Variants in DDX21 observed in about 807,000 individuals in gnomAD.
DDX21 encodes nucleolar RNA helicase 2.
DDX21 carries 18 observed loss-of-function variants against 90.0 expected under a neutral mutation model. That is an observed-to-expected ratio of 0.20 (90% CI 0.14 to 0.30). The LOEUF (loss-of-function observed/expected upper bound fraction) is 0.30, where lower values mean the gene tolerates loss of function less well. Among genes scored for constraint, DDX21 ranks in the 10% least tolerant of loss-of-function variants. The probability of loss-of-function intolerance (pLI) is 1.00; values close to 1 mark genes in which losing one functional copy is unlikely to be tolerated. For synonymous variants in DDX21, 294 were observed against 318.0 expected, an observed-to-expected ratio of 0.92 and a Z score of 0.80; for missense variants, 673 against 944.5, an observed-to-expected ratio of 0.71 and a Z score of 3.77.
intron 8 of DDX21, among the ~76,000 whole-genome samples, chr10:68,970,960 T>TA (rs1226110924): frequency 1.7e-5 from 2 of 115,240 alleles, no homozygotes; most frequent in Admixed American, 8.1e-5. Context: ...GCCTAATTTT[T>TA]TTTTTTTTTT....
rs1427416493 is a variant in DDX21, at chr10:68,982,732, C to T, written c.2272C>T (p.Arg758Ter). ...AGGCAGTAGAGGCCCGAGAGGACAG[C>T]GATCAGGAGGTGGCAACAAAAGTAA... ...REGSRGPRGQ[R>*]SGGGNKSNRS... Residue 758 changes from arginine (R) to a stop codon, truncating the protein, a stop_gained, in exon 15 of 15, where the codon CGA becomes TGA. Transcript: ENST00000354185. LOFTEE classifies it high-confidence loss of function. 3.7e-6 allele frequency: 6 copies of T among 1,613,696 alleles called. No homozygotes were observed. Among genetic ancestry groups the T allele is most frequent in the Non-Finnish European group, 4.2e-6 (5 of 1,179,988 alleles).
At chr10:68,961,986 G>A (rs1213008392) in intron 2 of DDX21, 96 bp from the exon 3 acceptor site, 3 of 969,762 alleles carry the variant, frequency 3.1e-6, no homozygotes, top group Non-Finnish European at 4.7e-6. Flanking sequence ...TAGAAGAATT[G>A]CTTTAGGATA....
At chr10:68,971,826 G>A in intron 8 of DDX21, 65 bp from the exon 9 acceptor site, 1 of 1,533,588 alleles carries the variant, frequency 6.5e-7, no homozygotes, top group East Asian at 2.3e-5. Context: ...AGGCCTAACT[G>A]ATGAAGAGAA....
At position 68,956,734 on chromosome 10, in the gene DDX21, A is replaced by G. The variant is rs566999361; in HGVS notation, c.87+422A>G. ...GGCATGAGCGTGCGCGAAGGAAGTT[A>G]CACGTCAAGTCAAAGTGGGTACTGG... On this transcript the variant is annotated intron_variant, in intron 1 of 14. Coordinates refer to ENST00000354185, the MANE Select transcript of DDX21 (RefSeq NM_004728.4). 22 of 1,025,812 alleles carry G rather than the reference A, an allele frequency of 2.1e-5. No homozygotes were observed. In the South Asian group the frequency reaches 6.6e-4, roughly 31 times the overall value. 63.5% of individuals were successfully genotyped at this position (1,025,812 alleles called of 1,614,324 possible). A position where few individuals can be genotyped will look rare whatever the true frequency, so the allele number is the denominator to read the frequency against.
In DDX21 at chr10:68,983,623, T is replaced by C. The variant is rs149878412; in HGVS notation, c.*811T>C. Reference sequence around the variant, plus strand: ...TGGTAATGTACTCCACTTCTTCCTATTGGAAGATTAACATTATTTACCAAG... The same window carrying C: ...TGGTAATGTACTCCACTTCTTCCTACTGGAAGATTAACATTATTTACCAAG... On this transcript the variant is annotated 3_prime_UTR_variant, in exon 15 of 15. Coordinates refer to ENST00000354185, the MANE Select transcript of DDX21 (RefSeq NM_004728.4). 2 of 150,556 alleles carry C rather than the reference T, an allele frequency of 1.3e-5. No individual in the cohort carries two copies. Among genetic ancestry groups the C allele is most frequent in the Admixed American group, 6.6e-5 (1 of 15,040 alleles). The allele number at this position is 150,556 out of a possible 1,614,324, so 9.3% of individuals were successfully genotyped here. A position where few individuals can be genotyped will look rare whatever the true frequency, so the allele number is the denominator to read the frequency against.
intron 1 of DDX21, among the ~76,000 whole-genome samples, chr10:68,959,223 C>T (rs906410575): frequency 6.6e-6 from 1 of 152,084 alleles, no homozygotes; most frequent in Admixed American, 6.6e-5. Flanking sequence ...ATAGGCCAAG[C>T]ACGGTGGCTC....
Position 68,984,869 on chromosome 10 carries a change from T to C in DDX21, c.*2057T>C, listed in dbSNP as rs1046130459. ...TAAATGTATAATGTATTTAGCTACT[T>C]TTTGGTTTAAATGAACTTGTTGGGT... On this transcript the variant is annotated 3_prime_UTR_variant, in exon 15 of 15. Transcript: ENST00000354185. 1 of 152,192 alleles carries C rather than the reference T, an allele frequency of 6.6e-6. No individual in the cohort carries two copies. Among genetic ancestry groups the C allele is most frequent in the African/African-American group, 2.4e-5 (1 of 41,448 alleles). The allele number at this position is 152,192 out of a possible 1,614,324, so 9.4% of individuals were successfully genotyped here.
chr10:68,977,813 T>A, intron 12 of DDX21, 125 bp downstream of exon 12: 1 of 1,080,782 alleles, frequency 9.3e-7, no homozygotes, highest in Non-Finnish European at 1.3e-6. Flanking sequence ...ATTAATTGTA[T>A]TTTACAATTT....
rs776712482 is a variant in DDX21, at chr10:68,959,950, A to G, written c.232A>G (p.Lys78Glu). 6 of 1,610,792 alleles carry G rather than the reference A, an allele frequency of 3.7e-6. No homozygotes were observed. In the Admixed American group the frequency reaches 1.0e-4, roughly 27 times the overall value. The part of the protein sequence containing the change: ...DMNSPKSKKA[K>E]KKEEPSQNDI... ...GAATTCTCCTAAATCCAAAAAGGCA[A>G]AAAAGAAAGAGGAGCCATCTCAAAA... Residue 78 changes from lysine to glutamate, a missense_variant, in exon 2 of 15, where the codon AAA becomes GAA. Lys to Glu is a moderately conservative substitution (Grantham distance 56). Around this residue, in one of 4 missense-constraint regions of DDX21, gnomAD observed 204 missense variants for 221.6 expected, o/e 0.92. Coordinates refer to ENST00000354185, the MANE Select transcript of DDX21 (RefSeq NM_004728.4).
At chr10:68,973,720 G>A in intron 10 of DDX21, 56 bp downstream of exon 10, 1 of 1,563,082 alleles carries the variant, frequency 6.4e-7, no homozygotes, top group African/African-American at 1.4e-5. Context: ...GTCAGTCTTT[G>A]GTTTCTTCAA....
At position 68,977,672 on chromosome 10, in the gene DDX21, T is replaced by G. The variant is rs1407350240; in HGVS notation, c.1886T>G (p.Leu629Trp). 5 of 1,612,078 alleles carry G rather than the reference T, an allele frequency of 3.1e-6. No individual in the cohort carries two copies. Among genetic ancestry groups the G allele is most frequent in the Non-Finnish European group, 4.2e-6 (5 of 1,178,742 alleles). The change falls in exon 12 of 15, where the codon TTG becomes TGG. Residue 629 changes from leucine to tryptophan, a missense_variant. Transcript: ENST00000354185. ...GCCACGTCCGTAGACCAGCGCTCCTTGATCAACTCAAATGTGGTAAGGTTC... is the reference window on the plus strand; with the variant it reads ...GCCACGTCCGTAGACCAGCGCTCCTGGATCAACTCAAATGTGGTAAGGTTC... ...SGATSVDQRS[L>W]INSNVGFVTM... is the part of the protein sequence containing the mutation.
rs139727835 is a variant in DDX21 at position 68,956,539 on chromosome 10, T to A, written c.87+227T>A. The A allele has an allele frequency of 1.0e-3, 1,461 of 1,392,860 alleles. 13 individuals carry two copies. The African/African-American group carries it at 0.019, about 19-fold the overall frequency. The allele number at this position is 1,392,860 out of a possible 1,614,324, so 86.3% of individuals were successfully genotyped here. A position where few individuals can be genotyped will look rare whatever the true frequency, so the allele number is the denominator to read the frequency against. ...GGTCCGCCGTGCGCTGACCTCTTCC[T>A]CTGAGCTTATAGGCATCCACAGGTC... On this transcript the variant is annotated intron_variant, in intron 1 of 14. Transcript: ENST00000354185.
intron 8 of DDX21, 23 bp downstream of exon 8, chr10:68,970,373 G>A (rs747921653): frequency 6.2e-7 from 1 of 1,602,988 alleles, no homozygotes; most frequent in East Asian, 2.2e-5. Flanking sequence ...CCTTATGCCA[G>A]CAAAACTGGG....
At chr10:68,964,345 C>G (rs1219422861) in intron 4 of DDX21, among the ~76,000 whole-genome samples, 1 of 152,130 alleles carries the variant, frequency 6.6e-6, no homozygotes, top group Non-Finnish European at 1.5e-5. Flanking sequence ...CCATGCTCCC[C>G]CTTTGTTAAT....
chr10:68,967,650 A>C (rs1842957977), intron 6 of DDX21, among the ~76,000 whole-genome samples: 1 of 152,146 alleles, frequency 6.6e-6, no homozygotes, highest in Non-Finnish European at 1.5e-5. Context: ...AAAGTAAAGA[A>C]AAATACCATC....
intron 13 of DDX21, among the ~76,000 whole-genome samples, chr10:68,980,491 C>A (rs1045334288): frequency 6.6e-6 from 1 of 152,138 alleles, no homozygotes; most frequent in Non-Finnish European, 1.5e-5. Context: ...TTATACTCTA[C>A]TTCGTAAATA....
At chr10:68,979,027 A>G (rs1410920766) in intron 13 of DDX21, 51 bp downstream of exon 13, 2 of 1,609,284 alleles carry the variant, frequency 1.2e-6, no homozygotes, top group Admixed American at 1.7e-5. Flanking sequence ...TGTGGGCAGG[A>G]AAACAGTGTG....
At chr10:68,970,492 T>C in intron 8 of DDX21, 142 bp downstream of exon 8, 2 of 901,036 alleles carry the variant, frequency 2.2e-6, no homozygotes, top group Non-Finnish European at 3.2e-6. Context: ...CTACTTTTTT[T>C]TTTTTTTTTT....
chr10:68,970,511 G>A (rs1230328252), intron 8 of DDX21, among the ~76,000 whole-genome samples, 161 bp downstream of exon 8: 2 of 148,456 alleles, frequency 1.3e-5, no homozygotes, highest in Non-Finnish European at 3.0e-5. Flanking sequence ...TTTAATTGAG[G>A]CAGAGTCTCA....
Sources: allele counts gnomAD v4.1 joint callset (sites outside exome capture counted in the v4.1 genomes callset), GRCh38; gene constraint gnomAD v4.1.1; regional missense constraint gnomAD v4.1.1; transcripts MANE v1.5; gene names NCBI Gene and HGNC (gene_info 2026-07-23, HGNC 2026-07-21).